Variants in CUBN observed in about 807,000 individuals in gnomAD.
The protein encoded by CUBN is 460 kDa receptor.
Under a neutral mutation model 405.3 loss-of-function variants are expected in CUBN, and 282 were observed. The observed-to-expected ratio is 0.70, with a 90% CI of 0.63 to 0.77. The LOEUF is 0.77. Among genes scored for constraint, CUBN ranks in the 30% least tolerant of loss-of-function variants. CUBN has a pLI of 0.00. For missense variants in CUBN, 4,514 were observed against 4,475.2 expected (o/e 1.01, Z -0.25); for synonymous variants, 1,684 against 1,617.0 (o/e 1.04, Z -0.99).
chr10:16,940,042 T>A lies in CUBN; in HGVS notation c.5538A>T (p.Thr1846=). Residue 1846 remains threonine (T), a synonymous_variant, in exon 37 of 67, where the codon ACA becomes ACT. Transcript: ENST00000377833. ...ATAGAAACAACTTACTCTTCATAAA[T>A]GTGGCCTGGAAGCCCGTGCCGCTGC... The part of the protein sequence containing the change: ...GSGSGTGFQA[T]FMKIFGNDNI... 1 of 1,613,586 alleles carries A rather than the reference T, an allele frequency of 6.2e-7. No homozygotes were observed. The highest frequency in any genetic ancestry group is 8.5e-7 in the Non-Finnish European group (1 of 1,179,482).
intron 59 of CUBN, among the ~76,000 whole-genome samples, chr10:16,859,405 T>C (rs908320019): frequency 1.1e-4 from 16 of 152,162 alleles, no homozygotes; most frequent in Non-Finnish European, 2.1e-4. Context: ...TCACATGAGA[T>C]ATTAATACAC....
intron 4 of CUBN, among the ~76,000 whole-genome samples, chr10:17,126,204 T>C (rs1218525606): frequency 6.6e-6 from 1 of 152,186 alleles, no homozygotes; most frequent in African/African-American, 2.4e-5. Flanking sequence ...TCCATGAAAG[T>C]CTTTAAAAGG....
At position 17,077,070 on chromosome 10, in the gene CUBN, G is replaced by T. The variant is rs139553711; in HGVS notation, c.2302-5099C>A. On this transcript the variant is annotated intron_variant, in intron 17 of 66. Coordinates refer to ENST00000377833, the MANE Select transcript of CUBN (RefSeq NM_001081.4). Reference sequence around the variant, plus strand: ...AGCCATGCCGTGATCACTTGCAGAGGAGTCACAGTGAATTCATTCTTTTTA... The same window carrying T: ...AGCCATGCCGTGATCACTTGCAGAGTAGTCACAGTGAATTCATTCTTTTTA... Among the ~76,000 whole-genome samples, 1,186 of 152,260 alleles carry T rather than the reference G, an allele frequency of 7.8e-3. 6 individuals carry two copies. The highest frequency in any genetic ancestry group is 0.012 in the Non-Finnish European group (822 of 68,012).
intron 64 of CUBN, among the ~76,000 whole-genome samples, 178 bp downstream of exon 64, chr10:16,834,836 A>G (rs1839119843): frequency 3.3e-5 from 5 of 152,152 alleles, no homozygotes; most frequent in South Asian, 4.1e-4. Flanking sequence ...AAGGTTCCCA[A>G]TTTCCGGTGT....
chr10:17,076,987 A>T (rs1209750814), intron 17 of CUBN, among the ~76,000 whole-genome samples: 1 of 152,234 alleles, frequency 6.6e-6, no homozygotes, highest in Non-Finnish European at 1.5e-5. Flanking sequence ...CTAGAGAAAG[A>T]TGACCAATAT....
rs750326184 is a variant in CUBN, at chr10:17,045,973, T to G, written c.3451A>C (p.Arg1151=). Residue 1151 remains arginine (R), a synonymous_variant, in exon 24 of 67, where the codon AGG becomes CGG. Coordinates refer to ENST00000377833, the MANE Select transcript of CUBN (RefSeq NM_001081.4). ...LKFKSDQIDT[R]SGFSAYWDGS... ...TCCCAGTAAGCTGAGAATCCAGACC[T>G]TGTGTCTATTTGGTCACTCTTAAAT... 3.1e-6 allele frequency: 5 copies of G among 1,614,034 alleles called. No homozygotes were observed. Among genetic ancestry groups the G allele is most frequent in the Non-Finnish European group, 4.2e-6 (5 of 1,179,948 alleles).
chr10:16,902,255 T>C (rs911931057), intron 51 of CUBN, among the ~76,000 whole-genome samples: 1 of 138,718 alleles, frequency 7.2e-6, no homozygotes, highest in Non-Finnish European at 1.5e-5. Context: ...TATTTGTATA[T>C]ATAGTATATA....
At chr10:17,126,691 T>C in intron 4 of CUBN, 70 bp downstream of exon 4, 2 of 1,487,184 alleles carry the variant, frequency 1.3e-6, no homozygotes, top group Non-Finnish European at 1.9e-6. Flanking sequence ...AAAATAAGAA[T>C]AGCAGCTCTA....
At chr10:17,096,172 G>A (rs1430390456) in intron 14 of CUBN, among the ~76,000 whole-genome samples, 3 of 152,022 alleles carry the variant, frequency 2.0e-5, no homozygotes, top group African/African-American at 4.8e-5. Flanking sequence ...AGGCTAAAAC[G>A]TTTATGTTCT....
In CUBN at chr10:16,929,053, A is replaced by G. The variant is rs554865698; in HGVS notation, c.6125-750T>C. Among the ~76,000 whole-genome samples, 7 of 152,162 alleles carry G rather than the reference A, an allele frequency of 4.6e-5. No individual in the cohort carries two copies. In the South Asian group the frequency reaches 1.5e-3, roughly 32 times the overall value. On this transcript the variant is annotated intron_variant, in intron 40 of 66. Transcript: ENST00000377833. Reference sequence around the variant, plus strand: ...ACCTCAGATCCTACACTAATGTTACAATATCATTCACCAAAAGGTATGCAA... The same window carrying G: ...ACCTCAGATCCTACACTAATGTTACGATATCATTCACCAAAAGGTATGCAA...
At chr10:17,080,613 G>C (rs1835946783) in intron 17 of CUBN, among the ~76,000 whole-genome samples, 1 of 152,154 alleles carries the variant, frequency 6.6e-6, no homozygotes, top group Non-Finnish European at 1.5e-5. Context: ...ATTGGTCAAG[G>C]AGATTTGATG....
intron 64 of CUBN, 112 bp downstream of exon 64, chr10:16,834,902 G>A (rs1167550632): frequency 1.8e-6 from 2 of 1,110,938 alleles, no homozygotes; most frequent in Non-Finnish European, 2.7e-6. Flanking sequence ...ATAAATTAAT[G>A]AAACAAATAA....
At chr10:16,900,577 C>A (rs767099191) in intron 53 of CUBN, 48 bp downstream of exon 53, 1 of 1,367,556 alleles carries the variant, frequency 7.3e-7, no homozygotes, top group Non-Finnish European at 1.0e-6. Flanking sequence ...TGAGTTCATA[C>A]TATACATCAC....
chr10:16,870,217 T>A lies in CUBN; in HGVS notation c.9237-364A>T, dbSNP rs142516108. On this transcript the variant is annotated intron_variant, in intron 58 of 66. Transcript: ENST00000377833. ...CCCAGCAATACTTTAGTTTTTTAGG[T>A]CTCATTAAAAATACCATATTTACTC... Among the ~76,000 whole-genome samples, 505 of 152,308 alleles carry A rather than the reference T, an allele frequency of 3.3e-3. 2 individuals are homozygous for A. The Middle Eastern group carries it at 0.051, about 15-fold the overall frequency.
At chr10:16,885,128 G>A (rs144701835) in intron 56 of CUBN, among the ~76,000 whole-genome samples, 7 of 152,162 alleles carry the variant, frequency 4.6e-5, no homozygotes, top group Admixed American at 1.3e-4. Context: ...TCTGTAGCTC[G>A]GTGATGGTAT....
In CUBN at chr10:16,830,939, C is replaced by T. The variant is rs557570857; in HGVS notation, c.10528+313G>A. On this transcript the variant is annotated intron_variant, in intron 65 of 66. Coordinates refer to ENST00000377833, the MANE Select transcript of CUBN (RefSeq NM_001081.4). ...CTCTGTCTACTAAAAATACAAAAAT[C>T]GGCTGGGCATGGTGGCGCATGCCTG... Among the ~76,000 whole-genome samples the T allele has an allele frequency of 1.7e-3, 253 of 152,034 alleles. 1 individual carries two copies. Among genetic ancestry groups the T allele is most frequent in the Non-Finnish European group, 3.3e-3 (224 of 67,970 alleles).
intron 54 of CUBN, 109 bp from the exon 55 acceptor site, chr10:16,890,636 A>G: frequency 9.3e-7 from 1 of 1,072,960 alleles, no homozygotes; most frequent in South Asian, 1.3e-5. Context: ...ACTAAGCATA[A>G]GAGTAAACAA....
chr10:16,893,153 C>A lies in CUBN; in HGVS notation c.8599-2626G>T, dbSNP rs192931492. Among the ~76,000 whole-genome samples the A allele has an allele frequency of 1.3e-3, 194 of 152,192 alleles. 1 individual carries two copies. The highest frequency in any genetic ancestry group is 4.6e-3 in the African/African-American group (192 of 41,548). ...AAACTTTCTGATTTTTCTTAGTGTTCTATATAATTCAGTCAGGTTGTAGGT... is the reference window on the plus strand; with the variant it reads ...AAACTTTCTGATTTTTCTTAGTGTTATATATAATTCAGTCAGGTTGTAGGT... On this transcript the variant is annotated intron_variant, in intron 54 of 66. Coordinates refer to ENST00000377833, the MANE Select transcript of CUBN (RefSeq NM_001081.4).
chr10:16,981,453 C>T (rs1833270144), intron 31 of CUBN, among the ~76,000 whole-genome samples: 2 of 152,192 alleles, frequency 1.3e-5, no homozygotes, highest in East Asian at 1.9e-4. Context: ...ACCAAGAGGT[C>T]AGGGTGTAAA....
Sources: gnomAD v4.1 joint callset for allele counts (sites outside exome capture counted in the v4.1 genomes callset) on GRCh38, gnomAD v4.1.1 for gene constraint, MANE v1.5 for transcripts, NCBI Gene and HGNC (gene_info 2026-07-23, HGNC 2026-07-21) for gene names.